Variants in LSM7 observed in about 807,000 individuals in gnomAD.
LSM7 encodes the protein LSM7 homolog, U6 small nuclear RNA and mRNA degradation associated.
Under a neutral mutation model 14.1 loss-of-function variants are expected in LSM7, and 13 were observed. The ratio of observed to expected loss-of-function variants is 0.92; its 90% CI spans 0.60 to 1.47. The LOEUF (loss-of-function observed/expected upper bound fraction) is 1.47. LSM7 is among the 40% of genes most tolerant of loss of function. The pLI, the probability that LSM7 is intolerant of heterozygous loss-of-function variation, is 0.00. For missense variants in LSM7, 108 were observed against 140.8 expected (o/e 0.77, Z 1.18); for synonymous variants, 70 against 57.1 (o/e 1.23, Z -1.02).
At chr19:2,324,376 C>T (rs755444950) in intron 2 of LSM7, 180 bp from the exon 3 acceptor site, 51 of 600,826 alleles carry the variant, frequency 8.5e-5, no homozygotes, top group Non-Finnish European at 1.2e-4. Context: ...CCACCACAGG[C>T]AGCAGACCAC....
At chr19:2,325,789 C>G (rs1022969137) in intron 2 of LSM7, among the ~76,000 whole-genome samples, 3 of 152,262 alleles carry the variant, frequency 2.0e-5, no homozygotes, top group Non-Finnish European at 4.4e-5. Context: ...TCCTGCTCTG[C>G]TGGCATAGCT....
chr19:2,323,151 G>A (rs1041598157), intron 3 of LSM7, among the ~76,000 whole-genome samples: 35 of 152,226 alleles, frequency 2.3e-4, no homozygotes, highest in African/African-American at 6.3e-4. Context: ...GGAGCTTCTG[G>A]GGGAGAGTCT....
At chr19:2,325,023 T>C (rs1258030979) in intron 2 of LSM7, 2 of 152,270 alleles carry the variant, frequency 1.3e-5, no homozygotes, top group Non-Finnish European at 2.9e-5. Flanking sequence ...ATCCCAGCCC[T>C]GCTGCTTAGG....
At position 2,324,707 on chromosome 19, in the gene LSM7, C is replaced by T. The variant is rs7245843; in HGVS notation, c.98-511G>A. The T allele has an allele frequency of 9.5e-3, 1,586 of 166,274 alleles. 35 individuals carry two copies. The highest frequency in any genetic ancestry group is 0.035 in the African/African-American group (1,477 of 42,042). The allele number at this position is 166,274 out of a possible 1,614,324, so 10.3% of individuals were successfully genotyped here. ...CAGCCAGGAAGAGGAGCGAGGCTGG[C>T]GCAGGCCACAGCGCGGATGCGCCTG... On this transcript the variant is annotated intron_variant, in intron 2 of 3. Transcript: ENST00000252622.
At chr19:2,326,667 C>T (rs542843450) in intron 2 of LSM7, among the ~76,000 whole-genome samples, 5 of 151,838 alleles carry the variant, frequency 3.3e-5, no homozygotes, top group East Asian at 1.9e-4. Context: ...GATGGGGTTT[C>T]GCCATGTTGG....
Position 2,321,677 on chromosome 19 carries a change from AG to A in LSM7, c.*2del. ...CCCTGCACCCCCCGCGCCCCCGGCCAGGCTAGGCGTCCTGCTGCTGGATGAA... is the reference window on the plus strand; with the variant it reads ...CCCTGCACCCCCCGCGCCCCCGGCCAGCTAGGCGTCCTGCTGCTGGATGAA... On this transcript the variant is annotated 3_prime_UTR_variant, in exon 4 of 4. Coordinates refer to ENST00000252622, the MANE Select transcript of LSM7 (RefSeq NM_016199.3). The surrounding 1 kb of genome is among the most constrained non-coding windows in gnomAD (Gnocchi z 5.0). 1 of 1,513,842 alleles carries A rather than the reference AG, an allele frequency of 6.6e-7. No individual in the cohort carries two copies. The highest frequency in any genetic ancestry group is 1.3e-5 in the South Asian group (1 of 78,726). The allele number at this position is 1,513,842 out of a possible 1,614,324, so 93.8% of individuals were successfully genotyped here. A position where few individuals can be genotyped will look rare whatever the true frequency, so the allele number is the denominator to read the frequency against.
chr19:2,324,425 T>G, intron 2 of LSM7: 2 of 547,366 alleles, frequency 3.7e-6, no homozygotes, highest in Non-Finnish European at 6.6e-6. Context: ...TCTGGCCGTG[T>G]GGGCCACAGG....
rs1409121581 is a variant in LSM7 at position 2,321,883 on chromosome 19, C to T, written c.170-61G>A. ...CCAGGAAGCCTCCGAGACCCCCCAC[C>T]CACCCAAGACCCTCGCTCCGACCTC... On this transcript the variant is annotated intron_variant, in intron 3 of 3. Coordinates refer to ENST00000252622, the MANE Select transcript of LSM7 (RefSeq NM_016199.3). The surrounding 1 kb of genome is among the most constrained non-coding windows in gnomAD (Gnocchi z 5.0). 2.2e-6 allele frequency: 3 copies of T among 1,335,068 alleles called. No homozygotes were observed. The African/African-American group carries it at 4.6e-5, about 20-fold the overall frequency. The allele number at this position is 1,335,068 out of a possible 1,614,324, so 82.7% of individuals were successfully genotyped here. A position where few individuals can be genotyped will look rare whatever the true frequency, so the allele number is the denominator to read the frequency against.
intron 2 of LSM7, among the ~76,000 whole-genome samples, chr19:2,325,151 C>T (rs774162068): frequency 2.0e-5 from 3 of 152,198 alleles, no homozygotes; most frequent in South Asian, 2.1e-4. Context: ...CAAGCTTCGC[C>T]GCCTTGGGCC....
intron 3 of LSM7, among the ~76,000 whole-genome samples, chr19:2,323,702 T>G (rs908572129): frequency 3.3e-5 from 5 of 152,216 alleles, no homozygotes; most frequent in Admixed American, 2.6e-4. Context: ...TCCTCCTGCC[T>G]TGGCCTCCCA....
rs1968014631 is a variant in LSM7 at position 2,326,310 on chromosome 19, T to TGTGTG, written c.97+2076_97+2077insCACAC. Among the ~76,000 whole-genome samples the TGTGTG allele has an allele frequency of 5.0e-5, 5 of 99,712 alleles. No homozygotes were observed. In the Admixed American group the frequency reaches 5.2e-4, roughly 10 times the overall value. The allele number at this position is 99,712 out of a possible 152,430, so 65.4% of individuals were successfully genotyped here. On this transcript the variant is annotated intron_variant, in intron 2 of 3. Transcript: ENST00000252622. ...CTTCAGGGACCAAACCCTTTCTGCT[T>TGTGTG]TTTGTGTGTGTGTGTGTGTGTGTGT...
chr19:2,327,094 C>A (rs1208673894), intron 2 of LSM7, among the ~76,000 whole-genome samples: 3 of 152,144 alleles, frequency 2.0e-5, no homozygotes, highest in Admixed American at 2.0e-4. Context: ...ACTCACAGAT[C>A]CTGTGAGATA....
intron 2 of LSM7, among the ~76,000 whole-genome samples, chr19:2,325,118 T>C (rs1967994517): frequency 6.6e-6 from 1 of 152,174 alleles, no homozygotes. Flanking sequence ...GGCTTCTCTC[T>C]CCACGCTGCC....
chr19:2,327,530 T>C (rs569363540), intron 2 of LSM7, among the ~76,000 whole-genome samples: 19 of 152,136 alleles, frequency 1.2e-4, no homozygotes, highest in Admixed American at 8.5e-4. Flanking sequence ...CATGAGCCAC[T>C]GTGCCTGGCC....
intron 2 of LSM7, among the ~76,000 whole-genome samples, chr19:2,327,795 AC>A (rs1223415137): frequency 1.3e-5 from 2 of 152,280 alleles, no homozygotes; most frequent in East Asian, 3.9e-4. Context: ...AAAAAAAGAA[AC>A]CAAAGATCCA....
At chr19:2,328,502 G>A in intron 1 of LSM7, 25 bp from the exon 2 acceptor site, 3 of 1,612,592 alleles carry the variant, frequency 1.9e-6, no homozygotes, top group Non-Finnish European at 2.5e-6. Flanking sequence ...GAGCGCATGA[G>A]ACCTGGAGCG....
chr19:2,323,683 C>T (rs1361074569), intron 3 of LSM7, among the ~76,000 whole-genome samples: 1 of 152,182 alleles, frequency 6.6e-6, no homozygotes, highest in Non-Finnish European at 1.5e-5. Flanking sequence ...AACTCCTGAC[C>T]TCAAGAGATC....
chr19:2,323,223 C>T (rs1967961007), intron 3 of LSM7, among the ~76,000 whole-genome samples: 1 of 152,108 alleles, frequency 6.6e-6, no homozygotes, highest in Admixed American at 6.5e-5. Flanking sequence ...AGGGAGGGTC[C>T]TCTGGGGAGG....
chr19:2,324,055 C>T (rs1161307219), intron 3 of LSM7, 70 bp downstream of exon 3: 5 of 599,694 alleles, frequency 8.3e-6, no homozygotes, highest in South Asian at 3.4e-5. Flanking sequence ...CTGCCCCCCT[C>T]GTCCCGCTGC....
Sources: gnomAD v4.1 joint callset for allele counts (sites outside exome capture counted in the v4.1 genomes callset) on GRCh38, gnomAD v4.1.1 for gene constraint, Gnocchi (gnomAD v3.1) non-coding constraint, MANE v1.5 for transcripts, NCBI Gene and HGNC (gene_info 2026-07-23, HGNC 2026-07-21) for gene names.